Variants in PPP1R9A observed in about 807,000 individuals in gnomAD.
The protein encoded by PPP1R9A is neurabin-1.
In PPP1R9A, 59 loss-of-function variants were observed where a neutral mutation model predicts 141.9. The ratio of observed to expected loss-of-function variants is 0.42; its 90% CI spans 0.34 to 0.52. The LOEUF is 0.52. Among genes scored for constraint, PPP1R9A ranks in the 20% least tolerant of loss-of-function variants. The probability of loss-of-function intolerance (pLI) is 0.10; values close to 1 mark genes in which losing one functional copy is unlikely to be tolerated. For synonymous variants in PPP1R9A, 500 were observed against 569.7 expected, an observed-to-expected ratio of 0.88 and a Z score of 1.74; for missense variants, 1,444 against 1,611.9, an observed-to-expected ratio of 0.90 and a Z score of 1.78.
chr7:95,134,683 C>T (rs1825315225), intron 4 of PPP1R9A, among the ~76,000 whole-genome samples: 1 of 152,148 alleles, frequency 6.6e-6, no homozygotes, highest in Non-Finnish European at 1.5e-5. Flanking sequence ...GATGTACCCA[C>T]CTTGGCCCCC....
intron 2 of PPP1R9A, among the ~76,000 whole-genome samples, chr7:95,072,973 A>G (rs1814205215): frequency 7.6e-6 from 1 of 131,074 alleles, no homozygotes; most frequent in South Asian, 2.2e-4. Context: ...TATATATAAT[A>G]TAATAATAAT....
chr7:94,952,285 A>G, intron 2 of PPP1R9A, among the ~76,000 whole-genome samples: 1 of 152,294 alleles, frequency 6.6e-6, no homozygotes, highest in Non-Finnish European at 1.5e-5. Context: ...AAATGAACTC[A>G]TCCATTTTTA....
At chr7:94,912,297 G>A (rs1791543619) in intron 2 of PPP1R9A, among the ~76,000 whole-genome samples, 1 of 152,216 alleles carries the variant, frequency 6.6e-6, no homozygotes, top group Admixed American at 6.5e-5. Context: ...TACATCAGCA[G>A]TGGGTGGTAG....
At position 95,230,882 on chromosome 7, in the gene PPP1R9A, A is replaced by G. The variant is rs115520114; in HGVS notation, c.2112+4766A>G. On this transcript the variant is annotated intron_variant, in intron 8 of 19. Coordinates refer to ENST00000433360, the MANE Select transcript of PPP1R9A (RefSeq NM_001166160.2). The stretch of plus-strand genomic sequence containing the variant: ...AGGTATTCAAGCAATAAATAGCACA[A>G]TGAGTAGAATAGTACCTCACATGTC... 4.3e-3 allele frequency among the ~76,000 whole-genome samples: 648 copies of G among 152,322 alleles called. 4 individuals are homozygous for G. The highest frequency in any genetic ancestry group is 0.014 in the African/African-American group (584 of 41,578).
intron 2 of PPP1R9A, among the ~76,000 whole-genome samples, chr7:95,079,891 G>A (rs571364197): frequency 4.6e-4 from 70 of 152,032 alleles, no homozygotes; most frequent in African/African-American, 1.6e-3. Flanking sequence ...ATTCAACAAC[G>A]CTTCATGCTA....
chr7:95,090,786 C>G (rs1817241741), intron 2 of PPP1R9A, among the ~76,000 whole-genome samples: 1 of 151,830 alleles, frequency 6.6e-6, no homozygotes, highest in Non-Finnish European at 1.5e-5. Flanking sequence ...CCAGCCTCGG[C>G]AACAGAGTGA....
intron 4 of PPP1R9A, among the ~76,000 whole-genome samples, chr7:95,147,446 G>T (rs923103010): frequency 6.6e-6 from 1 of 152,178 alleles, no homozygotes; most frequent in Non-Finnish European, 1.5e-5. Flanking sequence ...TGCAAACAGA[G>T]ACAATTTGAC....
chr7:95,129,882 A>G (rs1249952581), intron 4 of PPP1R9A, among the ~76,000 whole-genome samples: 2 of 152,160 alleles, frequency 1.3e-5, no homozygotes, highest in Admixed American at 1.3e-4. Flanking sequence ...GGCATAAGAA[A>G]TTTCTAAGCA....
chr7:95,131,456 C>T (rs1215700058), intron 4 of PPP1R9A, among the ~76,000 whole-genome samples: 1 of 152,060 alleles, frequency 6.6e-6, no homozygotes, highest in African/African-American at 2.4e-5. Flanking sequence ...GGCATTATTT[C>T]TGGGTTCTCT....
intron 2 of PPP1R9A, among the ~76,000 whole-genome samples, chr7:94,983,436 A>G (rs1314574664): frequency 1.3e-5 from 2 of 152,142 alleles, no homozygotes; most frequent in African/African-American, 4.8e-5. Flanking sequence ...GGCCATTTTC[A>G]TGATACTGAT....
intron 2 of PPP1R9A, among the ~76,000 whole-genome samples, chr7:94,917,547 C>T (rs1282691715): frequency 4.0e-5 from 6 of 151,682 alleles, no homozygotes; most frequent in South Asian, 4.2e-4. Flanking sequence ...GCTAGGACTA[C>T]AGGCAAGCGC....
chr7:95,268,851 G>A, intron 13 of PPP1R9A, 144 bp downstream of exon 13: 1 of 961,742 alleles, frequency 1.0e-6, no homozygotes, highest in South Asian at 2.1e-5. Context: ...TTTGTCTCCT[G>A]AATTCTTTAT....
chr7:95,169,306 G>A (rs1056017938), intron 5 of PPP1R9A, among the ~76,000 whole-genome samples: 3 of 151,958 alleles, frequency 2.0e-5, no homozygotes, highest in Admixed American at 2.0e-4. Flanking sequence ...ACTATGACAT[G>A]TTTTCAGTCC....
chr7:95,185,378 A>ATTTTTTTTTTTTTTTTT (rs147366122), intron 5 of PPP1R9A, among the ~76,000 whole-genome samples: 4 of 148,892 alleles, frequency 2.7e-5, no homozygotes, highest in African/African-American at 7.4e-5. Context: ...TTTTTATGGG[A>ATTTTTTTTTTTTTTTTT]TTTTTTTTTT....
chr7:95,153,095 T>C (rs564777030), intron 4 of PPP1R9A, among the ~76,000 whole-genome samples: 78 of 152,100 alleles, frequency 5.1e-4, no homozygotes, highest in African/African-American at 1.7e-3. Flanking sequence ...AATGATTCAC[T>C]CACCTCAGCC....
chr7:94,965,690 G>A (rs567927455), intron 2 of PPP1R9A, among the ~76,000 whole-genome samples: 2 of 152,114 alleles, frequency 1.3e-5, no homozygotes, highest in South Asian at 2.1e-4. Flanking sequence ...TTTGTTTTGG[G>A]TAGCAGTACC....
At chr7:94,927,991 A>C (rs549650859) in intron 2 of PPP1R9A, among the ~76,000 whole-genome samples, 1 of 152,298 alleles carries the variant, frequency 6.6e-6, no homozygotes, top group African/African-American at 2.4e-5. Flanking sequence ...ATAATCTGGA[A>C]CTGACCCAGG....
At chr7:95,153,280 G>T (rs1234097668) in intron 4 of PPP1R9A, among the ~76,000 whole-genome samples, 1 of 152,160 alleles carries the variant, frequency 6.6e-6, no homozygotes, top group African/African-American at 2.4e-5. Context: ...CGCTATGCTT[G>T]CTATTCAAGA....
rs1806320545 is a variant in PPP1R9A, at chr7:95,291,277, A to G, written c.*974A>G. ...TGGTCTTCAGCCTGCCTATGTCACA[A>G]TCAGGAACTCATCACATATTTTCTA... On this transcript the variant is annotated 3_prime_UTR_variant, in exon 20 of 20. Transcript: ENST00000433360. The G allele has an allele frequency of 1.3e-5, 2 of 152,330 alleles. No individual in the cohort carries two copies. The highest frequency in any genetic ancestry group is 6.5e-5 in the Admixed American group (1 of 15,298). 9.4% of individuals were successfully genotyped at this position (152,330 alleles called of 1,614,324 possible). A position where few individuals can be genotyped will look rare whatever the true frequency, so the allele number is the denominator to read the frequency against.
Sources: allele counts gnomAD v4.1 joint callset (sites outside exome capture counted in the v4.1 genomes callset), GRCh38; gene constraint gnomAD v4.1.1; transcripts MANE v1.5; gene names NCBI Gene and HGNC (gene_info 2026-07-23, HGNC 2026-07-21).